The following TEAD4 variants were observed in gnomAD, a reference collection of about 807,000 sequenced individuals.
The protein encoded by TEAD4 is TEA domain transcription factor 4, also known as transcriptional enhancer factor TEF-3.
A neutral mutation model predicts 52.4 loss-of-function variants in TEAD4; 36 were observed. The ratio of observed to expected loss-of-function variants is 0.69; its 90% CI spans 0.53 to 0.91. The LOEUF (loss-of-function observed/expected upper bound fraction) is 0.91, where lower values mean the gene tolerates loss of function less well. TEAD4 is among the 40% of genes least tolerant of loss of function. The pLI is 0.00. For synonymous variants in TEAD4, 220 were observed against 231.0 expected, an observed-to-expected ratio of 0.95 and a Z score of 0.43; for missense variants, 508 against 583.9, an observed-to-expected ratio of 0.87 and a Z score of 1.34.
At chr12:2,987,895 T>C (rs1239478888) in intron 2 of TEAD4, among the ~76,000 whole-genome samples, 2 of 151,148 alleles carry the variant, frequency 1.3e-5, no homozygotes, top group Non-Finnish European at 3.0e-5. Context: ...TGAAACCCTG[T>C]CTCTACTAAA....
At chr12:2,993,904 C>T (rs908204912) in intron 2 of TEAD4, among the ~76,000 whole-genome samples, 1 of 152,202 alleles carries the variant, frequency 6.6e-6, no homozygotes, top group Non-Finnish European at 1.5e-5. Flanking sequence ...TCCCGGTTGC[C>T]TTCCTTTTTA....
intron 2 of TEAD4, among the ~76,000 whole-genome samples, chr12:2,973,872 C>T (rs1464912578): frequency 6.6e-6 from 1 of 152,118 alleles, no homozygotes; most frequent in Non-Finnish European, 1.5e-5. Context: ...AACTGGCAGG[C>T]CTGCAGGAGT....
At chr12:2,973,132 C>T (rs1324051477) in intron 2 of TEAD4, among the ~76,000 whole-genome samples, 1 of 152,212 alleles carries the variant, frequency 6.6e-6, no homozygotes, top group African/African-American at 2.4e-5. Flanking sequence ...TTTCACTCAG[C>T]AAGGTCATAG....
intron 10 of TEAD4, 37 bp from the exon 11 acceptor site, chr12:3,037,931 G>A (rs776975926): frequency 1.3e-6 from 2 of 1,594,018 alleles, no homozygotes; most frequent in Non-Finnish European, 1.7e-6. Context: ...CATGGCACCT[G>A]CTGACACTCC....
At chr12:2,987,329 T>C (rs981754698) in intron 2 of TEAD4, among the ~76,000 whole-genome samples, 2 of 152,190 alleles carry the variant, frequency 1.3e-5, no homozygotes, top group Non-Finnish European at 2.9e-5. Context: ...CCAGGGAATA[T>C]GGAGAAAGGA....
chr12:2,997,339 A>T (rs570103157), intron 3 of TEAD4, among the ~76,000 whole-genome samples: 3 of 152,248 alleles, frequency 2.0e-5, no homozygotes, highest in African/African-American at 7.2e-5. Flanking sequence ...TCTGCTTCTT[A>T]CTTTTAGCGC....
chr12:2,980,911 T>G (rs1279410257), intron 2 of TEAD4, among the ~76,000 whole-genome samples: 2 of 152,018 alleles, frequency 1.3e-5, no homozygotes, highest in African/African-American at 4.8e-5. Context: ...CAGCTTGCAG[T>G]GGGGAAGGGC....
chr12:3,034,540 T>C (rs1048850350), intron 10 of TEAD4, among the ~76,000 whole-genome samples: 15 of 152,208 alleles, frequency 9.9e-5, no homozygotes, highest in African/African-American at 3.6e-4. Flanking sequence ...CCGCTGCCTC[T>C]GTGTGTCTGG....
At chr12:3,027,327 T>A (rs756030314) in intron 10 of TEAD4, among the ~76,000 whole-genome samples, 13 of 152,206 alleles carry the variant, frequency 8.5e-5, no homozygotes, top group Non-Finnish European at 1.8e-4. Flanking sequence ...TTTTGGTCCT[T>A]GTCTTTCCAG....
intron 5 of TEAD4, among the ~76,000 whole-genome samples, chr12:3,015,555 C>T (rs191239531): frequency 6.0e-4 from 92 of 152,372 alleles, no homozygotes; most frequent in Non-Finnish European, 1.1e-3. Context: ...CCTGAGCCTC[C>T]AGGCCGCGGT....
rs1022028473 is a variant in TEAD4, at chr12:3,033,967, C to T, written c.898-4001C>T. ...TCGAGGTGCTCTGGGGCGGTTCGTC[C>T]GTGTCGCCGGCTGGTGTGTTCCGGG... On this transcript the variant is annotated intron_variant, in intron 10 of 12. Coordinates refer to ENST00000359864, the MANE Select transcript of TEAD4 (RefSeq NM_003213.4). Among the ~76,000 whole-genome samples, 19 of 151,376 alleles carry T rather than the reference C, an allele frequency of 1.3e-4. 2 individuals carry two copies. Among genetic ancestry groups the T allele is most frequent in the South Asian group, 4.2e-4 (2 of 4,818 alleles).
chr12:2,984,734 C>T (rs1292580533), intron 2 of TEAD4, among the ~76,000 whole-genome samples: 2 of 152,164 alleles, frequency 1.3e-5, no homozygotes, highest in Non-Finnish European at 1.5e-5. Context: ...ACAGTGGTAA[C>T]TCTAAGTGTT....
At chr12:2,981,612 T>G (rs1591562410) in intron 2 of TEAD4, among the ~76,000 whole-genome samples, 1 of 152,202 alleles carries the variant, frequency 6.6e-6, no homozygotes, top group East Asian at 1.9e-4. Flanking sequence ...CTGAGCCCCA[T>G]GAAGGTCTGG....
At chr12:3,005,062 A>C (rs189303891) in intron 3 of TEAD4, among the ~76,000 whole-genome samples, 1 of 152,342 alleles carries the variant, frequency 6.6e-6, no homozygotes, top group East Asian at 1.9e-4. Flanking sequence ...GAAAAGCACA[A>C]CTTTAACAAA....
rs770056938 is a variant in TEAD4 at position 3,040,277 on chromosome 12, C to T, written c.1191+18C>T. 3.2e-5 allele frequency: 51 copies of T among 1,613,948 alleles called. No individual in the cohort carries two copies. Among genetic ancestry groups the T allele is most frequent in the East Asian group, 1.1e-4 (5 of 44,884 alleles). ...TCCTGCAGGTGTGCGGCGGGTGCTGCGGGTGTGGCTGGAGTCTGTGTGTGG... is the reference window on the plus strand; with the variant it reads ...TCCTGCAGGTGTGCGGCGGGTGCTGTGGGTGTGGCTGGAGTCTGTGTGTGG... On this transcript the variant is annotated intron_variant, in intron 12 of 12. Coordinates refer to ENST00000359864, the MANE Select transcript of TEAD4 (RefSeq NM_003213.4).
chr12:2,978,629 C>CCTGACCT (rs1186897371), intron 2 of TEAD4, among the ~76,000 whole-genome samples: 2 of 151,954 alleles, frequency 1.3e-5, no homozygotes, highest in African/African-American at 4.8e-5. Context: ...GTCTCGAACT[C>CCTGACCT]CTGACCTCAG....
At chr12:3,015,015 G>A (rs538497682) in intron 5 of TEAD4, among the ~76,000 whole-genome samples, 64 of 152,316 alleles carry the variant, frequency 4.2e-4, no homozygotes, top group African/African-American at 1.5e-3. Flanking sequence ...TGTCCTGGGA[G>A]GAGACACACA....
intron 2 of TEAD4, among the ~76,000 whole-genome samples, chr12:2,983,149 G>A (rs922579363): frequency 1.3e-5 from 2 of 152,142 alleles, no homozygotes; most frequent in African/African-American, 4.8e-5. Flanking sequence ...GACTTAAGAG[G>A]CCTCAGGTAT....
At chr12:3,020,296 T>G (rs1035948367) in intron 8 of TEAD4, among the ~76,000 whole-genome samples, 1 of 152,224 alleles carries the variant, frequency 6.6e-6, no homozygotes, top group Admixed American at 6.5e-5. Context: ...CAGAAGTTGC[T>G]TGAGGGCAGG....
Sources: allele counts gnomAD v4.1 joint callset (sites outside exome capture counted in the v4.1 genomes callset), GRCh38; gene constraint gnomAD v4.1.1; transcripts MANE v1.5; gene names NCBI Gene and HGNC (gene_info 2026-07-23, HGNC 2026-07-21).